Variants in EFR3A observed in about 807,000 individuals in gnomAD.
The protein encoded by EFR3A is EFR3 homolog A, also known as protein EFR3 homolog A.
A neutral mutation model predicts 104.4 loss-of-function variants in EFR3A; 76 were observed. The ratio of observed to expected loss-of-function variants is 0.73; its 90% confidence interval spans 0.60 to 0.88. EFR3A has a LOEUF of 0.88. Among genes scored for constraint, EFR3A ranks in the 40% least tolerant of loss-of-function variants. The pLI, the probability that EFR3A is intolerant of heterozygous loss-of-function variation, is 0.00. For missense variants in EFR3A, 985 were observed against 1,012.5 expected, an observed-to-expected ratio of 0.97 and a Z score of 0.37; for synonymous variants, 330 against 330.0, an observed-to-expected ratio of 1.00 and a Z score of 0.00.
chr8:132,008,739 G>T (rs1009499135), intron 22 of EFR3A, among the ~76,000 whole-genome samples: 19 of 147,368 alleles, frequency 1.3e-4, no homozygotes, highest in African/African-American at 4.7e-4. Flanking sequence ...CATTTTGGGG[G>T]TGATTGAAAG....
At chr8:131,973,150 T>C (rs952429402) in intron 10 of EFR3A, among the ~76,000 whole-genome samples, 7 of 150,922 alleles carry the variant, frequency 4.6e-5, no homozygotes, top group African/African-American at 1.7e-4. Context: ...GCACTTAAGA[T>C]TTTGAGATTG....
At position 131,924,252 on chromosome 8, in the gene EFR3A, T is replaced by A. The variant is rs189219677; in HGVS notation, c.11-16247T>A. The A allele has an allele frequency of 7.0e-3, 1,627 of 233,602 alleles. 11 individuals are homozygous for A. The highest frequency in any genetic ancestry group is 8.8e-3 in the Non-Finnish European group (957 of 109,248). The allele number at this position is 233,602 out of a possible 1,614,324, so 14.5% of individuals were successfully genotyped here. On this transcript the variant is annotated intron_variant, in intron 1 of 22. Transcript: ENST00000254624. ...TACTGAGAAATAACATTAATAAATATCTAATTATTTGTCCTTGACTCGGCA... is the reference window on the plus strand; with the variant it reads ...TACTGAGAAATAACATTAATAAATAACTAATTATTTGTCCTTGACTCGGCA...
At chr8:132,001,716 T>C (rs1821788403) in intron 19 of EFR3A, 43 bp from the exon 20 acceptor site, 2 of 1,543,916 alleles carry the variant, frequency 1.3e-6, no homozygotes, top group South Asian at 2.3e-5. Flanking sequence ...TTATTTATAT[T>C]GACCCTTTTT....
rs1470283090 is a variant in EFR3A at position 131,927,143 on chromosome 8, GT to G, written c.11-13355del. 4.6e-5 allele frequency among the ~76,000 whole-genome samples: 7 copies of G among 152,270 alleles called. No individual in the cohort carries two copies. In the East Asian group the frequency reaches 1.2e-3, roughly 25 times the overall value. ...GATCAATAAGTTATTAACCCAAATGGTAATGGTTGTGGCAGCAGAGAGAGTA... is the reference window on the plus strand; with the variant it reads ...GATCAATAAGTTATTAACCCAAATGGAATGGTTGTGGCAGCAGAGAGAGTA... On this transcript the variant is annotated intron_variant, in intron 1 of 22. Coordinates refer to ENST00000254624, the MANE Select transcript of EFR3A (RefSeq NM_015137.6).
intron 12 of EFR3A, among the ~76,000 whole-genome samples, chr8:131,978,488 A>G (rs556024810): frequency 6.6e-6 from 1 of 152,240 alleles, no homozygotes; most frequent in East Asian, 1.9e-4. Flanking sequence ...TAAGCTCCTT[A>G]TATCTGTTTT....
At chr8:131,947,641 G>A (rs1320123067) in intron 4 of EFR3A, among the ~76,000 whole-genome samples, 2 of 151,586 alleles carry the variant, frequency 1.3e-5, no homozygotes, top group Non-Finnish European at 2.9e-5. Context: ...CATCAGAAAG[G>A]TTTACTCCTA....
rs1461511127 is a variant in EFR3A, at chr8:131,970,663, C to T, written c.1159+20C>T. On this transcript the variant is annotated intron_variant, in intron 10 of 22. Transcript: ENST00000254624. ...CAATAGGTGAGTACATTTCACTTTT[C>T]AAAACTATCATGTAAAACAGTGATT... The T allele has an allele frequency of 8.1e-6, 13 of 1,602,384 alleles. No homozygotes were observed. The highest frequency in any genetic ancestry group is 6.0e-6 in the Non-Finnish European group (7 of 1,173,262).
chr8:132,011,803 A>T lies in EFR3A; in HGVS notation c.*908A>T, dbSNP rs1363595109. The T allele has an allele frequency of 1.3e-5, 2 of 152,340 alleles. No individual in the cohort carries two copies. The highest frequency in any genetic ancestry group is 4.8e-5 in the African/African-American group (2 of 41,456). 9.4% of individuals were successfully genotyped at this position (152,340 alleles called of 1,614,324 possible). Reference sequence around the variant, plus strand: ...ATTTCTATTAAGAGCACATTTATTTACATTTGTATATTATTTTAAATCCTC... The same window carrying T: ...ATTTCTATTAAGAGCACATTTATTTTCATTTGTATATTATTTTAAATCCTC... On this transcript the variant is annotated 3_prime_UTR_variant, in exon 23 of 23. Coordinates refer to ENST00000254624, the MANE Select transcript of EFR3A (RefSeq NM_015137.6).
At chr8:131,967,545 T>TA (rs1819804146) in intron 8 of EFR3A, among the ~76,000 whole-genome samples, 1 of 139,290 alleles carries the variant, frequency 7.2e-6, no homozygotes, top group Non-Finnish European at 1.6e-5. Context: ...GTGTAGGTTT[T>TA]AAAAAAACAA....
intron 19 of EFR3A, 38 bp downstream of exon 19, chr8:131,996,535 G>T: frequency 7.3e-7 from 1 of 1,362,420 alleles, no homozygotes. Context: ...TACTGTCTTG[G>T]TAGACATCAT....
chr8:131,993,902 A>AG (rs767402414), intron 18 of EFR3A, among the ~76,000 whole-genome samples: 1 of 152,076 alleles, frequency 6.6e-6, no homozygotes, highest in Non-Finnish European at 1.5e-5. Context: ...AGACACATAG[A>AG]GGGGAACAAT....
Position 132,012,341 on chromosome 8 carries a change from G to A in EFR3A, c.*1446G>A, listed in dbSNP as rs1941098017. ...AAACGATAATAGGACAAGCATACTT[G>A]AAAATTTCTGAATACTTAAACAAAA... On this transcript the variant is annotated 3_prime_UTR_variant, in exon 23 of 23. Transcript: ENST00000254624. The A allele has an allele frequency of 6.6e-6, 1 of 152,124 alleles. No individual in the cohort carries two copies. The highest frequency in any genetic ancestry group is 6.6e-5 in the Admixed American group (1 of 15,266). The allele number at this position is 152,124 out of a possible 1,614,324, so 9.4% of individuals were successfully genotyped here.
intron 2 of EFR3A, 52 bp downstream of exon 2, chr8:131,940,627 C>T: frequency 7.7e-6 from 12 of 1,564,558 alleles, no homozygotes; most frequent in Non-Finnish European, 9.5e-6. Context: ...CATTCTGCCC[C>T]CCGCTGACCT....
intron 22 of EFR3A, among the ~76,000 whole-genome samples, chr8:132,004,562 A>G (rs942585362): frequency 1.3e-5 from 2 of 152,188 alleles, no homozygotes; most frequent in African/African-American, 4.8e-5. Context: ...CCTGGTGCCA[A>G]AAAGGTCGGC....
intron 18 of EFR3A, among the ~76,000 whole-genome samples, chr8:131,991,749 C>G (rs1821196374): frequency 6.6e-6 from 1 of 151,998 alleles, no homozygotes; most frequent in Non-Finnish European, 1.5e-5. Flanking sequence ...ACGTAAAGCT[C>G]CAAAGCCGAA....
intron 7 of EFR3A, among the ~76,000 whole-genome samples, chr8:131,957,762 AATT>A (rs1190681853): frequency 1.8e-4 from 28 of 152,310 alleles, no homozygotes; most frequent in African/African-American, 6.7e-4. Context: ...TTTTAATTTC[AATT>A]ATTATTTGAT....
Position 131,955,756 on chromosome 8 carries a change from G to T in EFR3A, c.639-12G>T, listed in dbSNP as rs199877310. ...ATTCTTGTGTTTTTCTTTATTTCTC[G>T]TTCCTTTTTAGTCGCATAGGCCCTC... On this transcript the variant is annotated splice_polypyrimidine_tract_variant and intron_variant, in intron 6 of 22. Coordinates refer to ENST00000254624, the MANE Select transcript of EFR3A (RefSeq NM_015137.6). 12 of 1,593,388 alleles carry T rather than the reference G, an allele frequency of 7.5e-6. No homozygotes were observed. Among genetic ancestry groups the T allele is most frequent in the Admixed American group, 3.6e-5 (2 of 56,034 alleles).
intron 19 of EFR3A, chr8:132,000,706 C>G (rs1016820597): frequency 1.3e-5 from 2 of 152,078 alleles, no homozygotes; most frequent in East Asian, 3.9e-4. Context: ...TACTAGAATG[C>G]TTATAAGTAC....
intron 15 of EFR3A, among the ~76,000 whole-genome samples, chr8:131,984,639 T>C (rs1199032231): frequency 6.6e-6 from 1 of 152,244 alleles, no homozygotes; most frequent in African/African-American, 2.4e-5. Context: ...GTAAGTGTTA[T>C]GTAATAGAAG....
Sources: gnomAD v4.1 joint callset for allele counts (sites outside exome capture counted in the v4.1 genomes callset) on GRCh38, gnomAD v4.1.1 for gene constraint, MANE v1.5 for transcripts, NCBI Gene and HGNC (gene_info 2026-07-23, HGNC 2026-07-21) for gene names.